The following ARID1B variants were observed in gnomAD, a reference collection of about 807,000 sequenced individuals.
ARID1B encodes AT-rich interaction domain 1B.
A neutral mutation model predicts 212.3 loss-of-function variants in ARID1B; 30 were observed. The observed-to-expected ratio is 0.14, with a 90% CI of 0.11 to 0.19. The LOEUF (loss-of-function observed/expected upper bound fraction) is 0.19, where lower values mean the gene tolerates loss of function less well. Ranked by LOEUF, ARID1B falls within the 10% of genes least tolerant of loss-of-function variation. ARID1B has a pLI of 1.00. For synonymous variants in ARID1B, 1,402 were observed against 1,301.7 expected (o/e 1.08, Z -1.66); for missense variants, 2,891 against 3,204.0 (o/e 0.90, Z 2.36).
chr6:156,929,269 A>G (rs553916523), intron 3 of ARID1B, among the ~76,000 whole-genome samples: 7 of 152,314 alleles, frequency 4.6e-5, no homozygotes, highest in African/African-American at 1.7e-4. Context: ...GCCATCCTTG[A>G]TGTGCATGTT....
rs1794693777 is a variant in ARID1B at position 157,210,212 on chromosome 6, A to T, written c.*2321A>T. 4.3e-6 allele frequency: 1 copy of T among 231,666 alleles called. No homozygotes were observed. The highest frequency in any genetic ancestry group is 2.2e-5 in the African/African-American group (1 of 45,236). The allele number at this position is 231,666 out of a possible 1,614,324, so 14.4% of individuals were successfully genotyped here. A position where few individuals can be genotyped will look rare whatever the true frequency, so the allele number is the denominator to read the frequency against. On this transcript the variant is annotated 3_prime_UTR_variant, in exon 20 of 20. Coordinates refer to ENST00000636930, the MANE Select transcript of ARID1B (RefSeq NM_001374828.1). ...ATGTTGAATTAAAGACCCATTTATA[A>T]TTCTGCTTTAAATACATCTGCTTGC...
intron 4 of ARID1B, among the ~76,000 whole-genome samples, chr6:156,969,245 G>A (rs1360363967): frequency 6.6e-6 from 1 of 152,220 alleles, no homozygotes; most frequent in Non-Finnish European, 1.5e-5. Context: ...GTGTTTGTGT[G>A]TATGTGTCGA....
Position 157,149,077 on chromosome 6 carries a change from C to T in ARID1B, c.3089+126C>T, listed in dbSNP as rs1357344880. On this transcript the variant is annotated intron_variant, in intron 8 of 19. Coordinates refer to ENST00000636930, the MANE Select transcript of ARID1B (RefSeq NM_001374828.1). ...GCAGTAGAATGTCACTGTGCTTGGCCGTTCTTTTTGTGTTAAATATATTCT... is the reference window on the plus strand; with the variant it reads ...GCAGTAGAATGTCACTGTGCTTGGCTGTTCTTTTTGTGTTAAATATATTCT... 5 of 1,002,584 alleles carry T rather than the reference C, an allele frequency of 5.0e-6. No individual in the cohort carries two copies. The African/African-American group carries it at 6.5e-5, about 13-fold the overall frequency. The allele number at this position is 1,002,584 out of a possible 1,614,324, so 62.1% of individuals were successfully genotyped here.
intron 4 of ARID1B, among the ~76,000 whole-genome samples, chr6:157,001,640 A>C (rs1248879112): frequency 6.6e-6 from 1 of 152,232 alleles, no homozygotes; most frequent in Non-Finnish European, 1.5e-5. Flanking sequence ...CATCTGAGCT[A>C]TATGTGGGTT....
chr6:157,106,147 G>A (rs933135465), intron 5 of ARID1B, among the ~76,000 whole-genome samples: 16 of 152,136 alleles, frequency 1.1e-4, no homozygotes, highest in Non-Finnish European at 2.2e-4. Flanking sequence ...ACAGGAGAGT[G>A]TTGAGTAAAC....
intron 5 of ARID1B, among the ~76,000 whole-genome samples, chr6:157,108,298 A>G (rs1245673315): frequency 6.6e-6 from 1 of 152,212 alleles, no homozygotes; most frequent in African/African-American, 2.4e-5. Flanking sequence ...GGGATGCATT[A>G]CTTACAGCCT....
At chr6:157,156,980 T>C (rs955356892) in intron 8 of ARID1B, among the ~76,000 whole-genome samples, 1 of 152,238 alleles carries the variant, frequency 6.6e-6, no homozygotes, top group Non-Finnish European at 1.5e-5. Context: ...CTGTTGATCA[T>C]GGCAGAGTGT....
chr6:156,995,586 G>C (rs1173321443), intron 4 of ARID1B, among the ~76,000 whole-genome samples: 14 of 152,222 alleles, frequency 9.2e-5, no homozygotes, highest in Admixed American at 3.3e-4. Flanking sequence ...AGATCCTCAA[G>C]CCTGCTACTT....
chr6:157,094,423 C>G lies in ARID1B; in HGVS notation c.2491+9518C>G, dbSNP rs1314664146. On this transcript the variant is annotated intron_variant, in intron 5 of 19. Transcript: ENST00000636930. The surrounding 1 kb of genome is among the most constrained non-coding windows in gnomAD (Gnocchi z 4.3). ...AGGCTAGAGTACAGTGGCACGATCT[C>G]CACTCACTACAACCTCTACCTCCCA... Among the ~76,000 whole-genome samples, 3 of 152,072 alleles carry G rather than the reference C, an allele frequency of 2.0e-5. No homozygotes were observed. In the East Asian group the frequency reaches 5.8e-4, roughly 29 times the overall value.
intron 5 of ARID1B, among the ~76,000 whole-genome samples, chr6:157,106,482 G>A (rs546284686): frequency 5.9e-5 from 9 of 152,248 alleles, no homozygotes; most frequent in Admixed American, 5.2e-4. Context: ...GAGGCCTCTC[G>A]TTCTTGCCTT....
chr6:157,157,891 C>T (rs1395572957), intron 8 of ARID1B, among the ~76,000 whole-genome samples: 2 of 152,154 alleles, frequency 1.3e-5, no homozygotes, highest in Non-Finnish European at 2.9e-5. Context: ...GGCATGGTAG[C>T]GCACACCTCT....
At position 156,807,366 on chromosome 6, in the gene ARID1B, A is replaced by C. The variant is rs574559591; in HGVS notation, c.1792-21861A>C. Among the ~76,000 whole-genome samples, 64 of 151,568 alleles carry C rather than the reference A, an allele frequency of 4.2e-4. 1 individual carries two copies. Among genetic ancestry groups the C allele is most frequent in the African/African-American group, 1.4e-3 (59 of 41,288 alleles). Reference sequence around the variant, plus strand: ...TGTGTTTTGGTTTTTACTGCCCGCCATCTAGTTGAGTTTCTTCATGTTCTA... The same window carrying C: ...TGTGTTTTGGTTTTTACTGCCCGCCCTCTAGTTGAGTTTCTTCATGTTCTA... On this transcript the variant is annotated intron_variant, in intron 1 of 19. Coordinates refer to ENST00000636930, the MANE Select transcript of ARID1B (RefSeq NM_001374828.1).
intron 4 of ARID1B, among the ~76,000 whole-genome samples, chr6:157,039,670 C>CTTCCTTCCTTCCTTCTTTCT (rs1562569175): frequency 8.3e-4 from 46 of 55,298 alleles, no homozygotes; most frequent in African/African-American, 5.0e-3. Context: ...TCCTTCCTTC[C>CTTCCTTCCTTCCTTCTTTCT]TTCCTTCCTT....
chr6:157,070,020 T>C (rs1036237079), intron 4 of ARID1B, among the ~76,000 whole-genome samples: 1 of 152,122 alleles, frequency 6.6e-6, no homozygotes, highest in Non-Finnish European at 1.5e-5. Context: ...TGCATACATA[T>C]TATGCTTAAA....
At chr6:156,942,010 T>C (rs1316705475) in intron 4 of ARID1B, 2 of 152,230 alleles carry the variant, frequency 1.3e-5, no homozygotes, top group Non-Finnish European at 2.9e-5. Flanking sequence ...TTTTTTAAAA[T>C]ACATTTCAAC....
In ARID1B at chr6:156,896,675, T is replaced by G. The variant is rs59062871; in HGVS notation, c.1987-4701T>G. Among the ~76,000 whole-genome samples the G allele has an allele frequency of 2.1e-3, 307 of 148,698 alleles. 1 individual carries two copies. Among genetic ancestry groups the G allele is most frequent in the African/African-American group, 6.7e-3 (270 of 40,024 alleles). ...GCAGGTGGATCACGAGGTCAAGAGA[T>G]CGATACCATCCTGGCCTACATGGTG... On this transcript the variant is annotated intron_variant, in intron 2 of 19. Coordinates refer to ENST00000636930, the MANE Select transcript of ARID1B (RefSeq NM_001374828.1).
intron 4 of ARID1B, among the ~76,000 whole-genome samples, chr6:157,053,513 A>G (rs1434232646): frequency 2.6e-5 from 4 of 152,206 alleles, no homozygotes; most frequent in Non-Finnish European, 5.9e-5. Flanking sequence ...ACTTTTCTAC[A>G]TCTTTTTAAT....
intron 5 of ARID1B, among the ~76,000 whole-genome samples, chr6:157,087,292 TA>T (rs1488051077): frequency 6.6e-6 from 1 of 152,192 alleles, no homozygotes. Flanking sequence ...AGTAACCTCT[TA>T]AAAAATCTGA....
intron 4 of ARID1B, among the ~76,000 whole-genome samples, chr6:156,973,968 A>G (rs958754120): frequency 6.6e-6 from 1 of 152,184 alleles, no homozygotes; most frequent in Admixed American, 6.5e-5. Context: ...GTTTTCTACA[A>G]CATTTTGCTA....
Sources: allele counts gnomAD v4.1 joint callset (sites outside exome capture counted in the v4.1 genomes callset), GRCh38; gene constraint gnomAD v4.1.1; non-coding constraint Gnocchi (gnomAD v3.1); transcripts MANE v1.5; gene names NCBI Gene and HGNC (gene_info 2026-07-23, HGNC 2026-07-21).